Variants in GALNT13 observed in about 807,000 individuals in gnomAD.
The protein encoded by GALNT13 is UDP-GalNAc:polypeptide N-acetylgalactosaminyltransferase 13.
A neutral mutation model predicts 64.2 loss-of-function variants in GALNT13; 28 were observed. That is an observed-to-expected ratio of 0.44 (90% confidence interval 0.32 to 0.60). The LOEUF (loss-of-function observed/expected upper bound fraction) is 0.60. GALNT13 is among the 20% of genes least tolerant of loss of function. The probability of loss-of-function intolerance (pLI) is 0.05; values close to 1 mark genes in which losing one functional copy is unlikely to be tolerated. For synonymous variants in GALNT13, 214 were observed against 224.6 expected, an observed-to-expected ratio of 0.95 and a Z score of 0.42; for missense variants, 577 against 669.8, an observed-to-expected ratio of 0.86 and a Z score of 1.53.
intron 4 of GALNT13, among the ~76,000 whole-genome samples, chr2:154,151,760 T>A (rs1684040972): frequency 1.3e-5 from 2 of 152,314 alleles, no homozygotes; most frequent in South Asian, 4.1e-4. Flanking sequence ...AATCCCTGCC[T>A]TTTTTTGTTT....
At chr2:153,863,447 G>A in the GALNT13 span, among the ~76,000 whole-genome samples, 1 of 152,172 alleles carries the variant, frequency 6.6e-6, no homozygotes, top group Admixed American at 6.5e-5. Context: ...AATTGTTATA[G>A]TTAGTATGCT....
intron 3 of GALNT13, among the ~76,000 whole-genome samples, chr2:153,979,871 G>A (rs188723600): frequency 6.6e-6 from 1 of 152,168 alleles, no homozygotes; most frequent in East Asian, 1.9e-4. Context: ...CAAATGAAAG[G>A]TAGATTATAT....
chr2:154,427,707 G>C (rs2349219), intron 11 of GALNT13, among the ~76,000 whole-genome samples: 22,963 of 152,108 alleles, frequency 0.15, 2,068 homozygotes, highest in African/African-American at 0.24. Flanking sequence ...GTGATATCAT[G>C]TAGATGTGTA....
At chr2:153,097,176 G>T in the GALNT13 span, among the ~76,000 whole-genome samples, 2 of 151,954 alleles carry the variant, frequency 1.3e-5, no homozygotes, top group African/African-American at 4.8e-5. Context: ...TTTGTCCCCC[G>T]CTTTGTAACT....
At chr2:153,410,260 G>C in the GALNT13 span, among the ~76,000 whole-genome samples, 99 of 151,726 alleles carry the variant, frequency 6.5e-4, no homozygotes, top group African/African-American at 2.1e-3. Flanking sequence ...ATTTTTTTAG[G>C]GGGGGTGGGG....
intron 11 of GALNT13, among the ~76,000 whole-genome samples, chr2:154,411,360 A>AC (rs1699786656): frequency 1.3e-5 from 2 of 150,216 alleles, no homozygotes; most frequent in Admixed American, 1.3e-4. Flanking sequence ...ACACACACAC[A>AC]AATGTTTTTG....
At chr2:153,481,963 G>A in the GALNT13 span, among the ~76,000 whole-genome samples, 3 of 152,166 alleles carry the variant, frequency 2.0e-5, no homozygotes, top group African/African-American at 7.2e-5. Context: ...AATGTAAGCA[G>A]GAGTAAGAGT....
chr2:153,410,648 G>A, the GALNT13 span, among the ~76,000 whole-genome samples: 3 of 152,004 alleles, frequency 2.0e-5, no homozygotes, highest in Non-Finnish European at 4.4e-5. Context: ...TAATTCTCTT[G>A]TTAAAAAAGT....
At chr2:154,004,456 G>A (rs1040541691) in intron 3 of GALNT13, among the ~76,000 whole-genome samples, 5 of 152,012 alleles carry the variant, frequency 3.3e-5, no homozygotes, top group Admixed American at 6.6e-5. Flanking sequence ...TGCCTGCTTC[G>A]GCCTCCCAAA....
At chr2:153,272,557 A>G in the GALNT13 span, among the ~76,000 whole-genome samples, 1 of 152,222 alleles carries the variant, frequency 6.6e-6, no homozygotes, top group Non-Finnish European at 1.5e-5. Flanking sequence ...TCAAAACCAC[A>G]ATGATATACC....
chr2:153,623,151 A>G, the GALNT13 span, among the ~76,000 whole-genome samples: 23,794 of 152,042 alleles, frequency 0.16, 1,969 homozygotes, highest in African/African-American at 0.19. Context: ...TAGAAATGCT[A>G]TGATATGAGT....
chr2:154,266,468 A>G (rs964475364), intron 8 of GALNT13, among the ~76,000 whole-genome samples: 1 of 152,162 alleles, frequency 6.6e-6, no homozygotes, highest in Non-Finnish European at 1.5e-5. Flanking sequence ...ATTTCTATAC[A>G]CTAGCAACAA....
intron 2 of GALNT13, among the ~76,000 whole-genome samples, chr2:153,905,617 C>A (rs958679740): frequency 6.6e-6 from 1 of 151,884 alleles, no homozygotes; most frequent in South Asian, 2.1e-4. Context: ...TGATTTTGGT[C>A]ATAACTTTCA....
chr2:154,136,708 A>G (rs1212684379), intron 3 of GALNT13, among the ~76,000 whole-genome samples: 1 of 152,140 alleles, frequency 6.6e-6, no homozygotes, highest in African/African-American at 2.4e-5. Flanking sequence ...TATTTCTAAA[A>G]GCTTTATAAT....
At chr2:153,593,439 C>G in the GALNT13 span, among the ~76,000 whole-genome samples, 13 of 152,254 alleles carry the variant, frequency 8.5e-5, no homozygotes, top group African/African-American at 3.1e-4. Context: ...ATTCAAGTAG[C>G]GTGTGAGCTC....
intron 3 of GALNT13, among the ~76,000 whole-genome samples, chr2:154,010,512 T>C (rs950406159): frequency 1.3e-5 from 2 of 152,166 alleles, no homozygotes; most frequent in African/African-American, 4.8e-5. Flanking sequence ...AGGACTTTTG[T>C]GTCTATGTTC....
At chr2:153,557,391 G>A in the GALNT13 span, among the ~76,000 whole-genome samples, 1 of 152,118 alleles carries the variant, frequency 6.6e-6, no homozygotes, top group East Asian at 1.9e-4. Context: ...ACTCATGACT[G>A]TACACAAACA....
the GALNT13 span, among the ~76,000 whole-genome samples, chr2:153,570,762 A>G: frequency 2.0e-5 from 3 of 151,968 alleles, no homozygotes; most frequent in Admixed American, 6.6e-5. Flanking sequence ...AAATGAGTTC[A>G]TTGTAGATAT....
the GALNT13 span, among the ~76,000 whole-genome samples, chr2:153,350,572 A>G: frequency 6.6e-6 from 1 of 151,836 alleles, no homozygotes; most frequent in Non-Finnish European, 1.5e-5. Context: ...TAGTAGAGAC[A>G]GGGTTTTACC....
Sources: gnomAD v4.1 joint callset for allele counts (sites outside exome capture counted in the v4.1 genomes callset) on GRCh38, gnomAD v4.1.1 for gene constraint, MANE v1.5 for transcripts, NCBI Gene and HGNC (gene_info 2026-07-23, HGNC 2026-07-21) for gene names.